The following CREBL2 variants were observed in gnomAD, a reference collection of about 807,000 sequenced individuals.
CREBL2 encodes the protein cAMP responsive element binding protein like 2, also known as cAMP-responsive element-binding protein-like 2.
In CREBL2, 4 loss-of-function variants were observed where a neutral mutation model predicts 19.5. The observed-to-expected ratio is 0.20, with a 90% CI of 0.10 to 0.47. The LOEUF is 0.47. Ranked by LOEUF, CREBL2 falls within the 20% of genes least tolerant of loss-of-function variation. The pLI is 0.98. For missense variants in CREBL2, 85 were observed against 145.1 expected, an observed-to-expected ratio of 0.59 and a Z score of 2.13; for synonymous variants, 42 against 46.6, an observed-to-expected ratio of 0.90 and a Z score of 0.40.
intron 1 of CREBL2, among the ~76,000 whole-genome samples, chr12:12,632,144 C>T (rs1945446776): frequency 8.4e-6 from 1 of 119,204 alleles, no homozygotes; most frequent in Non-Finnish European, 1.6e-5. Flanking sequence ...GTGGCGGGAT[C>T]TCGGCTCACT....
intron 1 of CREBL2, among the ~76,000 whole-genome samples, chr12:12,628,968 C>T (rs1945422735): frequency 6.6e-6 from 1 of 152,210 alleles, no homozygotes; most frequent in Admixed American, 6.5e-5. Flanking sequence ...TATGCTTTTC[C>T]ATTGGTCTGT....
intron 3 of CREBL2, among the ~76,000 whole-genome samples, chr12:12,639,308 A>T (rs1945500108): frequency 6.6e-6 from 1 of 152,110 alleles, no homozygotes; most frequent in Non-Finnish European, 1.5e-5. Context: ...ATTCATTTGT[A>T]TGTATACCTA....
chr12:12,639,058 G>A (rs1945498239), intron 3 of CREBL2, among the ~76,000 whole-genome samples: 1 of 152,024 alleles, frequency 6.6e-6, no homozygotes, highest in East Asian at 1.9e-4. Context: ...TTATATACCT[G>A]GAGTCTATAC....
chr12:12,639,912 A>G (rs1945504970), intron 3 of CREBL2, among the ~76,000 whole-genome samples: 1 of 152,150 alleles, frequency 6.6e-6, no homozygotes, highest in Non-Finnish European at 1.5e-5. Flanking sequence ...ACATGCTTCA[A>G]AGGGCAAAAA....
intron 1 of CREBL2, chr12:12,614,530 T>G (rs1945294006): frequency 1.2e-5 from 2 of 163,596 alleles, no homozygotes; most frequent in African/African-American, 2.5e-5. Flanking sequence ...TGCGTTGGTG[T>G]GATCACAACT....
intron 1 of CREBL2, among the ~76,000 whole-genome samples, chr12:12,617,714 G>C (rs1322546730): frequency 1.6e-5 from 2 of 125,194 alleles, no homozygotes; most frequent in African/African-American, 6.0e-5. Flanking sequence ...GTGTTTCTCA[G>C]AGAGGGGGAT....
intron 3 of CREBL2, among the ~76,000 whole-genome samples, chr12:12,639,179 T>A (rs1365695268): frequency 1.3e-5 from 2 of 152,216 alleles, no homozygotes; most frequent in Non-Finnish European, 2.9e-5. Context: ...GGTCAAATAA[T>A]ATTTATATAT....
intron 3 of CREBL2, among the ~76,000 whole-genome samples, chr12:12,638,760 A>G (rs900959976): frequency 6.6e-6 from 1 of 152,220 alleles, no homozygotes; most frequent in African/African-American, 2.4e-5. Flanking sequence ...CTTTAATGGT[A>G]GAACCTGTCC....
chr12:12,623,099 C>CTTT (rs5796501), intron 1 of CREBL2, among the ~76,000 whole-genome samples: 2 of 117,692 alleles, frequency 1.7e-5, no homozygotes, highest in African/African-American at 6.0e-5. Flanking sequence ...GTAACAACTT[C>CTTT]TTTTTTTTTT....
At chr12:12,630,852 C>G (rs949302921) in intron 1 of CREBL2, among the ~76,000 whole-genome samples, 1 of 152,146 alleles carries the variant, frequency 6.6e-6, no homozygotes, top group Non-Finnish European at 1.5e-5. Context: ...TCACAATTGC[C>G]ATCTATTTTC....
At chr12:12,625,263 C>T (rs566939344) in intron 1 of CREBL2, among the ~76,000 whole-genome samples, 3 of 152,172 alleles carry the variant, frequency 2.0e-5, no homozygotes, top group African/African-American at 7.2e-5. Flanking sequence ...TTTCTGTCCC[C>T]TGTCCCTCTC....
chr12:12,612,982 C>T (rs796736983), intron 1 of CREBL2, among the ~76,000 whole-genome samples: 14 of 152,300 alleles, frequency 9.2e-5, no homozygotes, highest in African/African-American at 3.1e-4. Context: ...AGCGATTCTC[C>T]TGCCTCAGCC....
rs80355889 is a variant in CREBL2 at position 12,626,072 on chromosome 12, G to C, written c.16-9705G>C. Among the ~76,000 whole-genome samples, 1,400 of 152,176 alleles carry C rather than the reference G, an allele frequency of 9.2e-3. 19 individuals are homozygous for C. The highest frequency in any genetic ancestry group is 0.032 in the African/African-American group (1,316 of 41,490). On this transcript the variant is annotated intron_variant, in intron 1 of 3. Coordinates refer to ENST00000228865, the MANE Select transcript of CREBL2 (RefSeq NM_001310.4). ...TGAGCGCTTTCTGACCACACACCCT[G>C]GTTTAGCCCCGAATTTATGTTTTTA...
Position 12,619,541 on chromosome 12 carries a change from G to A in CREBL2, c.15+7354G>A, listed in dbSNP as rs1189487634. 3.3e-5 allele frequency among the ~76,000 whole-genome samples: 5 copies of A among 152,060 alleles called. No individual in the cohort carries two copies. The East Asian group carries it at 9.6e-4, about 29-fold the overall frequency. On this transcript the variant is annotated intron_variant, in intron 1 of 3. Coordinates refer to ENST00000228865, the MANE Select transcript of CREBL2 (RefSeq NM_001310.4). ...CACAAGAATTGCATAAGCCCAGGAGGTGGAGGTTGCTGTGAGCCGAGATCA... is the reference window on the plus strand; with the variant it reads ...CACAAGAATTGCATAAGCCCAGGAGATGGAGGTTGCTGTGAGCCGAGATCA...
chr12:12,632,068 C>CTTTTTTTT lies in CREBL2; in HGVS notation c.16-3689_16-3682dup, dbSNP rs869253910. On this transcript the variant is annotated intron_variant, in intron 1 of 3. Coordinates refer to ENST00000228865, the MANE Select transcript of CREBL2 (RefSeq NM_001310.4). ...CCTTGGATTCATATACTATGCCTTT[C>CTTTTTTTT]TTTTTTTTTTTTTTTTTTTTTTTTT... Among the ~76,000 whole-genome samples the CTTTTTTTT allele has an allele frequency of 9.4e-4, 76 of 80,622 alleles. 5 individuals carry two copies. Among genetic ancestry groups the CTTTTTTTT allele is most frequent in the East Asian group, 2.2e-3 (5 of 2,282 alleles). The allele number at this position is 80,622 out of a possible 152,430, so 52.9% of individuals were successfully genotyped here.
intron 1 of CREBL2, among the ~76,000 whole-genome samples, chr12:12,623,482 C>T (rs1945376718): frequency 6.6e-6 from 1 of 152,006 alleles, no homozygotes. Flanking sequence ...CTGATCTTAA[C>T]AAAATAAAAC....
intron 3 of CREBL2, among the ~76,000 whole-genome samples, chr12:12,640,250 C>G (rs750896297): frequency 6.6e-6 from 1 of 152,116 alleles, no homozygotes; most frequent in Non-Finnish European, 1.5e-5. Context: ...CAGACATTTC[C>G]CAGAGTGGCT....
chr12:12,625,008 C>T (rs902646726), intron 1 of CREBL2, among the ~76,000 whole-genome samples: 1 of 152,170 alleles, frequency 6.6e-6, no homozygotes, highest in Non-Finnish European at 1.5e-5. Flanking sequence ...TGAAGTTATG[C>T]CGTCAAGCCA....
At chr12:12,634,446 T>A (rs1945460055) in intron 1 of CREBL2, among the ~76,000 whole-genome samples, 1 of 152,212 alleles carries the variant, frequency 6.6e-6, no homozygotes, top group Admixed American at 6.5e-5. Context: ...GTTGAGGCTT[T>A]CTGTTTGTTC....
Sources: allele counts gnomAD v4.1 joint callset (sites outside exome capture counted in the v4.1 genomes callset), GRCh38; gene constraint gnomAD v4.1.1; transcripts MANE v1.5; gene names NCBI Gene and HGNC (gene_info 2026-07-23, HGNC 2026-07-21).